FAAP20: variants seen among roughly 807,000 people sequenced by gnomAD.
FAAP20 encodes FA core complex associated protein 20.
FAAP20 carries 12 observed loss-of-function variants against 16.2 expected under a neutral mutation model. That is an observed-to-expected ratio of 0.74 (90% CI 0.48 to 1.20). FAAP20 has a LOEUF of 1.20. Among genes scored for constraint, FAAP20 ranks in the 50% most tolerant of loss-of-function variants. The probability of loss-of-function intolerance (pLI) is 0.00; values close to 1 mark genes in which losing one functional copy is unlikely to be tolerated. For missense variants in FAAP20, 288 were observed against 245.8 expected, an observed-to-expected ratio of 1.17 and a Z score of -1.15; for synonymous variants, 141 against 110.7, an observed-to-expected ratio of 1.27 and a Z score of -1.72.
chr1:2,188,674 T>TA (rs887435053), downstream of FAAP20, among the ~76,000 whole-genome samples: 33 of 152,284 alleles, frequency 2.2e-4, no homozygotes, highest in African/African-American at 7.9e-4. Flanking sequence ...TTCCTTTTCA[T>TA]AACTAGCTGC....
downstream of FAAP20, among the ~76,000 whole-genome samples, chr1:2,188,265 A>G (rs942820117): frequency 1.3e-5 from 2 of 152,234 alleles, no homozygotes; most frequent in African/African-American, 4.8e-5. Context: ...CTGTGAGCCC[A>G]GGCAGACGGT....
chr1:2,204,979 CGCCCCGCCCCTCAA>C (rs1363584414), intron 3 of FAAP20, among the ~76,000 whole-genome samples: 4 of 103,810 alleles, frequency 3.9e-5, no homozygotes, highest in East Asian at 3.4e-4. Context: ...GGGCGCCACG[CGCCCCGCCCCTCAA>C]GCCCCGCCCC....
At chr1:2,192,193 G>C in intron 3 of FAAP20, 1 of 985,810 alleles carries the variant, frequency 1.0e-6, no homozygotes. Context: ...GCATCCCAGG[G>C]TGGCTGTGCA....
downstream of FAAP20, chr1:2,184,736 C>T (rs185563823): frequency 1.8e-3 from 2,760 of 1,573,884 alleles, 5 homozygotes; most frequent in African/African-American, 0.011. Flanking sequence ...GAGCACCCCT[C>T]GGGCAGCCCC....
downstream of FAAP20, among the ~76,000 whole-genome samples, chr1:2,188,764 G>A (rs558601530): frequency 5.2e-3 from 789 of 150,930 alleles, 10 homozygotes; most frequent in African/African-American, 0.018. Flanking sequence ...CCAGCACTTC[G>A]GGAGGCCGAG....
upstream of FAAP20, among the ~76,000 whole-genome samples, chr1:2,196,919 G>T (rs370043104): frequency 6.6e-6 from 1 of 152,178 alleles, no homozygotes; most frequent in African/African-American, 2.4e-5. The surrounding 1 kb of genome is among the most constrained non-coding windows in gnomAD (Gnocchi z 4.5). Flanking sequence ...TGGGGGTGGT[G>T]GGGGGTGTTC....
At chr1:2,185,665 A>G (rs1468100758), downstream of FAAP20, among the ~76,000 whole-genome samples, 1 of 152,226 alleles carries the variant, frequency 6.6e-6, no homozygotes, top group Non-Finnish European at 1.5e-5. Context: ...CACTGGACCG[A>G]TGGGGGAAAT....
chr1:2,189,577 C>G lies in FAAP20; in HGVS notation c.*132G>C, dbSNP rs984094298. ...ATCACAACACAGAGACAGACAGGAGCCCGCCCTGCTTTAATGCGCATGCGG... is the reference window on the plus strand; with the variant it reads ...ATCACAACACAGAGACAGACAGGAGGCCGCCCTGCTTTAATGCGCATGCGG... On this transcript the variant is annotated 3_prime_UTR_variant, in exon 4 of 4. Coordinates refer to ENST00000378546, the MANE Select transcript of FAAP20 (RefSeq NM_182533.4). The G allele has an allele frequency of 1.3e-6, 1 of 748,812 alleles. No homozygotes were observed. Among genetic ancestry groups the G allele is most frequent in the South Asian group, 1.5e-5 (1 of 67,278 alleles). 46.4% of individuals were successfully genotyped at this position (748,812 alleles called of 1,614,324 possible).
downstream of FAAP20, chr1:2,184,940 C>T (rs1366317507): frequency 2.0e-5 from 32 of 1,613,724 alleles, no homozygotes; most frequent in Non-Finnish European, 2.5e-5. Flanking sequence ...TAAAGAGGAT[C>T]GACCAGTCAG....
intron 3 of FAAP20, 141 bp from the exon 4 acceptor site, chr1:2,189,922 A>G: frequency 1.4e-6 from 1 of 703,066 alleles, no homozygotes; most frequent in East Asian, 2.7e-5. Context: ...GGGCCACCCC[A>G]GGGGCTCATG....
chr1:2,194,787 C>CCCCCGCCCCTCCAGG, upstream of FAAP20: 3 of 1,040,990 alleles, frequency 2.9e-6, no homozygotes, highest in Non-Finnish European at 2.4e-6. Flanking sequence ...GCAAGCCCCG[C>CCCCCGCCCCTCCAGG]CCCCGCCCCT....
chr1:2,187,822 C>T (rs372553256), downstream of FAAP20, among the ~76,000 whole-genome samples: 34 of 152,286 alleles, frequency 2.2e-4, 2 homozygotes, highest in East Asian at 6.2e-3. Context: ...CCGTCAGTCC[C>T]GTGGGTGTGG....
At chr1:2,211,273 TGGTTGGAGTGCAGTCGC>T, downstream of FAAP20, among the ~76,000 whole-genome samples, 1 of 137,014 alleles carries the variant, frequency 7.3e-6, no homozygotes, top group East Asian at 2.2e-4. Flanking sequence ...CTTGTTGCCC[TGGTTGGAGTGCAGTCGC>T]GCGATCTCGG....
chr1:2,202,648 T>C (rs888346223), upstream of FAAP20, among the ~76,000 whole-genome samples: 3 of 151,834 alleles, frequency 2.0e-5, no homozygotes, highest in Admixed American at 1.3e-4. Flanking sequence ...TTTTGTTTTG[T>C]TTTGTAGAGA....
At chr1:2,197,701 G>A (rs1688880169), upstream of FAAP20, among the ~76,000 whole-genome samples, 1 of 152,242 alleles carries the variant, frequency 6.6e-6, no homozygotes, top group Non-Finnish European at 1.5e-5. Context: ...CCTCCTGGGG[G>A]CTCTTCCCCT....
downstream of FAAP20, among the ~76,000 whole-genome samples, chr1:2,188,861 C>T (rs1044252745): frequency 2.6e-5 from 4 of 152,040 alleles, no homozygotes; most frequent in South Asian, 2.1e-4. Context: ...AAAAATTAGC[C>T]GGGCGTGGTG....
upstream of FAAP20, chr1:2,198,651 G>A (rs1688920300): frequency 4.1e-6 from 5 of 1,206,246 alleles, no homozygotes; most frequent in South Asian, 1.5e-5. Flanking sequence ...ACCTGTGGCC[G>A]ACAGGCACCC....
chr1:2,208,755 G>T (rs1012461270), downstream of FAAP20, among the ~76,000 whole-genome samples: 4 of 152,242 alleles, frequency 2.6e-5, no homozygotes, highest in African/African-American at 9.6e-5. Flanking sequence ...GCCCCAGAGG[G>T]GTTTGGGCCG....
chr1:2,206,412 C>G (rs1689260805), exon 3 of FAAP20: 1 of 152,278 alleles, frequency 6.6e-6, no homozygotes, highest in Non-Finnish European at 1.5e-5. Flanking sequence ...AAAGCTGTGA[C>G]AGACGCCCTG....
Sources: gnomAD v4.1 joint callset for allele counts (sites outside exome capture counted in the v4.1 genomes callset) on GRCh38, gnomAD v4.1.1 for gene constraint, Gnocchi (gnomAD v3.1) non-coding constraint, MANE v1.5 for transcripts, NCBI Gene and HGNC (gene_info 2026-07-23, HGNC 2026-07-21) for gene names.